The following CADM2 variants were observed in gnomAD, a reference collection of about 807,000 sequenced individuals.
CADM2 encodes cell adhesion molecule 2.
CADM2 carries 12 observed loss-of-function variants against 49.8 expected under a neutral mutation model. The observed-to-expected ratio is 0.24, with a 90% CI of 0.15 to 0.39. The LOEUF is 0.39. Ranked by LOEUF, CADM2 falls within the 10% of genes least tolerant of loss-of-function variation. CADM2 has a pLI of 1.00. For synonymous variants in CADM2, 214 were observed against 175.4 expected (o/e 1.22, Z -1.74); for missense variants, 378 against 492.3 (o/e 0.77, Z 2.20).
chr3:85,388,141 G>A (rs1051382660), intron 1 of CADM2, among the ~76,000 whole-genome samples: 1 of 152,080 alleles, frequency 6.6e-6, no homozygotes, highest in African/African-American at 2.4e-5. Context: ...CGATACTCCC[G>A]CCTCAGCCTC....
chr3:85,141,477 C>T (rs561767084), intron 1 of CADM2, among the ~76,000 whole-genome samples: 2 of 152,184 alleles, frequency 1.3e-5, no homozygotes, highest in South Asian at 4.1e-4. Flanking sequence ...TTTATTGATG[C>T]TATTCATGGA....
chr3:85,515,322 G>A (rs1050432402), intron 1 of CADM2, among the ~76,000 whole-genome samples: 10 of 151,700 alleles, frequency 6.6e-5, no homozygotes, highest in South Asian at 2.1e-4. Context: ...TTAGATTTTC[G>A]AAGATAACAC....
intron 1 of CADM2, among the ~76,000 whole-genome samples, chr3:85,533,852 G>T (rs1375319514): frequency 6.6e-6 from 1 of 152,154 alleles, no homozygotes; most frequent in East Asian, 1.9e-4. Context: ...TCTGGTCAAT[G>T]CTTAATTTGG....
At chr3:85,541,775 T>TTATATATATA (rs10576590) in intron 1 of CADM2, among the ~76,000 whole-genome samples, 1 of 88,320 alleles carries the variant, frequency 1.1e-5, no homozygotes, top group African/African-American at 3.3e-5. Context: ...ATTTTATATT[T>TTATATATATA]TATATATATA....
At chr3:85,365,070 A>G (rs1412222172) in intron 1 of CADM2, among the ~76,000 whole-genome samples, 1 of 151,858 alleles carries the variant, frequency 6.6e-6, no homozygotes, top group Non-Finnish European at 1.5e-5. Flanking sequence ...CTTTATTTTT[A>G]TTCACAATAT....
intron 1 of CADM2, among the ~76,000 whole-genome samples, chr3:85,652,772 CTTTTTTTTTTTTT>C (rs34756757): frequency 3.0e-4 from 15 of 50,782 alleles, no homozygotes; most frequent in Admixed American, 6.6e-4. Flanking sequence ...TTTTTCTTTT[CTTTTTTTTTTTTT>C]TTTTTTTTTT....
At chr3:84,982,941 G>A (rs572892652) in intron 1 of CADM2, among the ~76,000 whole-genome samples, 1 of 148,500 alleles carries the variant, frequency 6.7e-6, no homozygotes, top group South Asian at 2.1e-4. Context: ...TAGAGATGGG[G>A]TTTCACCATG....
At chr3:85,187,544 A>G (rs1323530929) in intron 1 of CADM2, among the ~76,000 whole-genome samples, 1 of 152,096 alleles carries the variant, frequency 6.6e-6, no homozygotes, top group African/African-American at 2.4e-5. Context: ...TTGTTTCTTT[A>G]TCATTTAGTA....
At chr3:85,769,538 CACG>C in intron 2 of CADM2, among the ~76,000 whole-genome samples, 1 of 112,596 alleles carries the variant, frequency 8.9e-6, no homozygotes. Flanking sequence ...TGTATATATA[CACG>C]TATATACATA....
At chr3:85,518,603 C>T (rs1009645446) in intron 1 of CADM2, among the ~76,000 whole-genome samples, 1 of 152,146 alleles carries the variant, frequency 6.6e-6, no homozygotes, top group Non-Finnish European at 1.5e-5. Context: ...GTTCGTGGGG[C>T]CACGCTTCCT....
At chr3:85,752,262 CTT>C (rs925993300) in intron 2 of CADM2, among the ~76,000 whole-genome samples, 6 of 152,118 alleles carry the variant, frequency 3.9e-5, no homozygotes, top group Non-Finnish European at 7.4e-5. Flanking sequence ...TGACCTTTTT[CTT>C]TCCTTTTTCT....
intron 1 of CADM2, among the ~76,000 whole-genome samples, chr3:85,233,120 A>G (rs1487682699): frequency 9.9e-5 from 15 of 152,208 alleles, no homozygotes; most frequent in Non-Finnish European, 1.5e-5. Flanking sequence ...ATATAACTGT[A>G]TGAAAGAAAC....
intron 1 of CADM2, among the ~76,000 whole-genome samples, chr3:85,370,038 C>A (rs1251832490): frequency 1.3e-5 from 2 of 151,496 alleles, no homozygotes; most frequent in Non-Finnish European, 2.9e-5. Context: ...ATGTCAAAAA[C>A]CCCGTGTCTA....
At chr3:85,755,042 C>T (rs542688374) in intron 2 of CADM2, among the ~76,000 whole-genome samples, 1 of 152,292 alleles carries the variant, frequency 6.6e-6, no homozygotes, top group South Asian at 2.1e-4. Context: ...TTTACAAAAA[C>T]TCTCTGGCAC....
chr3:85,199,714 G>A (rs2041444745), intron 1 of CADM2, among the ~76,000 whole-genome samples: 1 of 151,812 alleles, frequency 6.6e-6, no homozygotes, highest in South Asian at 2.1e-4. Flanking sequence ...GATAAAATAA[G>A]GAAGTTCATA....
intron 1 of CADM2, among the ~76,000 whole-genome samples, chr3:85,493,926 T>C (rs2039780131): frequency 6.6e-6 from 1 of 152,202 alleles, no homozygotes; most frequent in Non-Finnish European, 1.5e-5. Context: ...TAAATACTTA[T>C]GACATATTTT....
chr3:85,968,835 T>A (rs1018193303), intron 8 of CADM2, among the ~76,000 whole-genome samples: 8 of 151,754 alleles, frequency 5.3e-5, no homozygotes, highest in Non-Finnish European at 1.2e-4. Flanking sequence ...TTGGCATTAG[T>A]TTTCAGAAAC....
chr3:85,417,943 T>C (rs2035986771), intron 1 of CADM2, among the ~76,000 whole-genome samples: 1 of 152,150 alleles, frequency 6.6e-6, no homozygotes, highest in South Asian at 2.1e-4. Flanking sequence ...GAAGTATAAG[T>C]ATCAATGTTG....
Position 85,458,165 on chromosome 3 carries a change from T to C in CADM2, c.62-268357T>C, listed in dbSNP as rs530489724. ...TCTCTTGTGGCACAGATTTTCTGCT[T>C]TGTATCTTGTGGCCATGCATATAGT... On this transcript the variant is annotated intron_variant, in intron 1 of 9. Transcript: ENST00000383699. Among the ~76,000 whole-genome samples the C allele has an allele frequency of 3.4e-3, 521 of 152,308 alleles. 4 individuals are homozygous for C. Among genetic ancestry groups the C allele is most frequent in the African/African-American group, 0.012 (495 of 41,570 alleles).
Sources: gnomAD v4.1 joint callset for allele counts (sites outside exome capture counted in the v4.1 genomes callset) on GRCh38, gnomAD v4.1.1 for gene constraint, MANE v1.5 for transcripts, NCBI Gene and HGNC (gene_info 2026-07-23, HGNC 2026-07-21) for gene names.